The following SUSD4 variants were observed in gnomAD, a reference collection of about 807,000 sequenced individuals.
SUSD4 encodes the protein sushi domain containing 4.
In SUSD4, 41 loss-of-function variants were observed where a neutral mutation model predicts 50.5. That is an observed-to-expected ratio of 0.81 (90% CI 0.63 to 1.05). The LOEUF is 1.05. Ranked by LOEUF, SUSD4 falls within the 50% of genes least tolerant of loss-of-function variation. The pLI is 0.00. For synonymous variants in SUSD4, 257 were observed against 257.3 expected, an observed-to-expected ratio of 1.00 and a Z score of 0.01; for missense variants, 580 against 634.7, an observed-to-expected ratio of 0.91 and a Z score of 0.93.
At chr1:223,260,504 A>T (rs1662034298) in intron 5 of SUSD4, among the ~76,000 whole-genome samples, 1 of 152,216 alleles carries the variant, frequency 6.6e-6, no homozygotes, top group African/African-American at 2.4e-5. Context: ...TCAGGGAGGA[A>T]GAGAACCCGA....
intron 2 of SUSD4, among the ~76,000 whole-genome samples, chr1:223,304,345 G>C (rs935960375): frequency 6.6e-6 from 1 of 152,120 alleles, no homozygotes; most frequent in African/African-American, 2.4e-5. Context: ...ATGCAATTTT[G>C]TATTTACAAT....
At chr1:223,237,118 C>T (rs1071171) in intron 5 of SUSD4, among the ~76,000 whole-genome samples, 4 of 151,658 alleles carry the variant, frequency 2.6e-5, no homozygotes, top group African/African-American at 4.8e-5. Flanking sequence ...TAATGTAAAT[C>T]GTATTGTGTT....
chr1:223,252,873 C>T (rs770640485), intron 5 of SUSD4, among the ~76,000 whole-genome samples: 1 of 151,820 alleles, frequency 6.6e-6, no homozygotes, highest in South Asian at 2.1e-4. Context: ...AGGCCAAGGC[C>T]TGAGGTCAGG....
chr1:223,288,315 C>T (rs141779447), intron 3 of SUSD4, among the ~76,000 whole-genome samples: 54 of 152,324 alleles, frequency 3.5e-4, no homozygotes, highest in African/African-American at 9.4e-4. Flanking sequence ...GCTTCCCCTT[C>T]GCCTTCTGCC....
At chr1:223,246,105 G>T (rs75960999) in intron 5 of SUSD4, among the ~76,000 whole-genome samples, 1,797 of 152,226 alleles carry the variant, frequency 0.012, 19 homozygotes, top group South Asian at 0.039. Context: ...ACTCACATAA[G>T]GGGAGAGGGC....
intron 3 of SUSD4, among the ~76,000 whole-genome samples, chr1:223,282,992 G>A (rs1347529749): frequency 6.6e-6 from 1 of 152,210 alleles, no homozygotes; most frequent in African/African-American, 2.4e-5. Flanking sequence ...AATGGGGAAA[G>A]CATTCTGTAT....
At chr1:223,244,271 G>C (rs1323145597) in intron 5 of SUSD4, among the ~76,000 whole-genome samples, 2 of 152,178 alleles carry the variant, frequency 1.3e-5, no homozygotes, top group Admixed American at 1.3e-4. Context: ...GGAGTCAGAA[G>C]GTTTAAAAAA....
At chr1:223,348,115 A>C (rs1668144241) in intron 2 of SUSD4, among the ~76,000 whole-genome samples, 2 of 152,164 alleles carry the variant, frequency 1.3e-5, no homozygotes, top group African/African-American at 4.8e-5. Context: ...AAAAAAAAAA[A>C]ACTTTGTTCA....
At chr1:223,313,454 TG>T (rs1211340628) in intron 2 of SUSD4, among the ~76,000 whole-genome samples, 2 of 152,306 alleles carry the variant, frequency 1.3e-5, no homozygotes, top group African/African-American at 4.8e-5. Flanking sequence ...TTCTTTGGGA[TG>T]GTTCTGATTT....
At chr1:223,284,877 G>A (rs1004991522) in intron 3 of SUSD4, among the ~76,000 whole-genome samples, 4 of 152,114 alleles carry the variant, frequency 2.6e-5, no homozygotes, top group South Asian at 2.1e-4. Flanking sequence ...TAGGGGAAAG[G>A]GTGAGAGAGA....
chr1:223,284,093 A>AG (rs1331836635), intron 3 of SUSD4, among the ~76,000 whole-genome samples: 10 of 29,602 alleles, frequency 3.4e-4, no homozygotes, highest in African/African-American at 1.6e-3. Flanking sequence ...GGATAGGGGG[A>AG]GGGGGGAGGG....
At chr1:223,302,212 C>G (rs1665240736) in intron 2 of SUSD4, among the ~76,000 whole-genome samples, 1 of 152,102 alleles carries the variant, frequency 6.6e-6, no homozygotes, top group Admixed American at 6.6e-5. Context: ...TGAGGCCTAC[C>G]CAGAAGCAAA....
intron 5 of SUSD4, among the ~76,000 whole-genome samples, chr1:223,252,389 G>A (rs1661394782): frequency 6.6e-6 from 1 of 151,870 alleles, no homozygotes; most frequent in Admixed American, 6.5e-5. Context: ...CAAGGAATGA[G>A]GCAGCAGCTG....
intron 5 of SUSD4, chr1:223,230,665 A>G (rs1008166753): frequency 6.6e-6 from 1 of 152,236 alleles, no homozygotes; most frequent in Non-Finnish European, 1.5e-5. Context: ...TAGTCCTTCA[A>G]ACAACACTGT....
chr1:223,292,436 T>C lies in SUSD4; in HGVS notation c.361+3A>G, dbSNP rs770976909. 6.2e-7 allele frequency: 1 copy of C among 1,614,184 alleles called. No individual in the cohort carries two copies. The highest frequency in any genetic ancestry group is 1.6e-4 in the Middle Eastern group (1 of 6,062). On this transcript the variant is annotated splice_donor_region_variant and intron_variant, in intron 3 of 8. Coordinates refer to ENST00000366878, the MANE Select transcript of SUSD4 (RefSeq NM_017982.4). ...GGCTTCCGTGGAGAAGTAAGCACTT[T>C]ACCTTCTTGCACACAGATGGAATTA...
intron 2 of SUSD4, among the ~76,000 whole-genome samples, chr1:223,328,320 T>G (rs1391663588): frequency 6.6e-6 from 1 of 152,174 alleles, no homozygotes; most frequent in Admixed American, 6.5e-5. Context: ...GGCTCTGAGA[T>G]GTTAACTGGC....
chr1:223,251,101 T>A (rs1469342376), intron 5 of SUSD4, among the ~76,000 whole-genome samples: 1 of 152,136 alleles, frequency 6.6e-6, no homozygotes, highest in African/African-American at 2.4e-5. Context: ...TATAGTAGGG[T>A]GGGCCCTTAA....
At chr1:223,239,909 G>A (rs73122204) in intron 5 of SUSD4, among the ~76,000 whole-genome samples, 2,227 of 151,996 alleles carry the variant, frequency 0.015, 56 homozygotes, top group African/African-American at 0.049. Context: ...CCAACTTTCT[G>A]ACCTATATTA....
At chr1:223,354,710 G>A (rs1465435087) in intron 2 of SUSD4, among the ~76,000 whole-genome samples, 1 of 152,212 alleles carries the variant, frequency 6.6e-6, no homozygotes, top group Non-Finnish European at 1.5e-5. Context: ...AACAGTGGTA[G>A]CTTAAAAGGA....
Sources: allele counts gnomAD v4.1 joint callset (sites outside exome capture counted in the v4.1 genomes callset), GRCh38; gene constraint gnomAD v4.1.1; transcripts MANE v1.5; gene names NCBI Gene and HGNC (gene_info 2026-07-23, HGNC 2026-07-21).